The following ARID3A variants were observed in gnomAD, a reference collection of about 807,000 sequenced individuals.
The protein encoded by ARID3A is AT-rich interactive domain-containing protein 3A.
A neutral mutation model predicts 52.7 loss-of-function variants in ARID3A; 11 were observed. The observed-to-expected ratio is 0.21, with a 90% CI of 0.13 to 0.35. The LOEUF is 0.35. Among genes scored for constraint, ARID3A ranks in the 10% least tolerant of loss-of-function variants. The probability of loss-of-function intolerance (pLI) is 1.00; values close to 1 mark genes in which losing one functional copy is unlikely to be tolerated. For missense variants in ARID3A, 721 were observed against 838.5 expected, an observed-to-expected ratio of 0.86 and a Z score of 1.73; for synonymous variants, 404 against 359.4, an observed-to-expected ratio of 1.12 and a Z score of -1.40.
intron 3 of ARID3A, among the ~76,000 whole-genome samples, chr19:958,300 G>T (rs1011679546): frequency 6.6e-6 from 1 of 150,886 alleles, no homozygotes; most frequent in African/African-American, 2.4e-5. Flanking sequence ...GGTGGCGGGC[G>T]CCTGTAGTCC....
At chr19:970,599 T>C (rs1038370787) in intron 8 of ARID3A, among the ~76,000 whole-genome samples, 1 of 143,076 alleles carries the variant, frequency 7.0e-6, no homozygotes, top group East Asian at 2.1e-4. Context: ...CTCCGCCTCC[T>C]GAGTAGCTGG....
intron 7 of ARID3A, among the ~76,000 whole-genome samples, chr19:968,044 C>CA (rs34215155): frequency 0.68 from 83,705 of 122,864 alleles, 28,415 homozygotes; most frequent in Non-Finnish European, 0.76. Flanking sequence ...GACTCCGTCT[C>CA]AAAAAAAAAA....
rs1023581147 is a variant in ARID3A at position 959,374 on chromosome 19, A to G, written c.694-718A>G. Reference sequence around the variant, plus strand: ...CTTCAGCCTCCACTGCCCAGGCTCAAGCAATCCTCCCACCTCAGCCTCCCG... The same window carrying G: ...CTTCAGCCTCCACTGCCCAGGCTCAGGCAATCCTCCCACCTCAGCCTCCCG... On this transcript the variant is annotated intron_variant, in intron 3 of 8. Transcript: ENST00000263620. The surrounding 1 kb of genome is among the most constrained non-coding windows in gnomAD (Gnocchi z 5.0). 6.6e-6 allele frequency among the ~76,000 whole-genome samples: 1 copy of G among 152,136 alleles called. No individual in the cohort carries two copies. Among genetic ancestry groups the G allele is most frequent in the Non-Finnish European group, 1.5e-5 (1 of 68,012 alleles).
At chr19:953,390 CCT>C (rs2037843586) in intron 3 of ARID3A, among the ~76,000 whole-genome samples, 2 of 152,250 alleles carry the variant, frequency 1.3e-5, no homozygotes, top group Admixed American at 1.3e-4. Flanking sequence ...GCCCCGCCAC[CCT>C]CTCTCCTCAC....
At chr19:949,440 G>A (rs907217263) in intron 3 of ARID3A, among the ~76,000 whole-genome samples, 5 of 152,164 alleles carry the variant, frequency 3.3e-5, no homozygotes, top group African/African-American at 1.2e-4. Flanking sequence ...GGAGCTGCCA[G>A]GAGTGGGGCT....
rs1298117970 is a variant in ARID3A at position 929,849 on chromosome 19, A to G, written c.321A>G (p.Glu107=). ...CGGGCTCACCCGGGCGAGGCAGAGAAGGGCCAGGAGAGGAGCACTTTGAGG... is the reference window on the plus strand; with the variant it reads ...CGGGCTCACCCGGGCGAGGCAGAGAGGGGCCAGGAGAGGAGCACTTTGAGG... ...GTPGSPGRGR[E]GPGEEHFEDM... The change falls in exon 2 of 9, where the codon GAA becomes GAG. Residue 107 remains glutamate (E), a synonymous_variant. Coordinates refer to ENST00000263620, the MANE Select transcript of ARID3A (RefSeq NM_005224.3). This position sits in a 1 kb window ranked among gnomAD's most constrained non-coding sequence, Gnocchi z 6.2. 5 of 1,544,758 alleles carry G rather than the reference A, an allele frequency of 3.2e-6. No homozygotes were observed. The highest frequency in any genetic ancestry group is 4.4e-6 in the Non-Finnish European group (5 of 1,147,066).
rs895912630 is a variant in ARID3A at position 941,090 on chromosome 19, C to T, written c.693+8348C>T. ...GGCCTGGCCCCACGCCCACCGCCGGCGTCCCACCCTGGTGGCTGCTGCCAA... is the reference window on the plus strand; with the variant it reads ...GGCCTGGCCCCACGCCCACCGCCGGTGTCCCACCCTGGTGGCTGCTGCCAA... On this transcript the variant is annotated intron_variant, in intron 3 of 8. Transcript: ENST00000263620. This position sits in a 1 kb window ranked among gnomAD's most constrained non-coding sequence, Gnocchi z 6.9. 2.0e-5 allele frequency among the ~76,000 whole-genome samples: 3 copies of T among 152,144 alleles called. No individual in the cohort carries two copies. The East Asian group carries it at 5.8e-4, about 29-fold the overall frequency.
rs1437725247 is a variant in ARID3A at position 932,589 on chromosome 19, C to G, written c.540C>G (p.Pro180=). The change falls in exon 3 of 9, where the codon CCC becomes CCG. Residue 180 remains proline (P), a synonymous_variant. Transcript: ENST00000263620. ...TALFPRKAQP[P]QAFRGDGVPR... ...TGTTCCCCCGAAAGGCCCAGCCACC[C>G]CAGGCCTTCCGCGGCGATGGCGTTC... The G allele has an allele frequency of 1.1e-5, 16 of 1,514,714 alleles. No homozygotes were observed. The highest frequency in any genetic ancestry group is 1.4e-5 in the Non-Finnish European group (16 of 1,133,498). The allele number at this position is 1,514,714 out of a possible 1,614,324, so 93.8% of individuals were successfully genotyped here. A position where few individuals can be genotyped will look rare whatever the true frequency, so the allele number is the denominator to read the frequency against.
At chr19:934,360 T>C (rs927028964) in intron 3 of ARID3A, among the ~76,000 whole-genome samples, 3 of 152,032 alleles carry the variant, frequency 2.0e-5, no homozygotes, top group Non-Finnish European at 4.4e-5. Flanking sequence ...CAGGCAGGGA[T>C]GAGGGGCCAG....
Position 960,659 on chromosome 19 carries a change from C to T in ARID3A, c.766+495C>T, listed in dbSNP as rs554263313. Among the ~76,000 whole-genome samples the T allele has an allele frequency of 3.9e-5, 6 of 152,188 alleles. No homozygotes were observed. The East Asian group carries it at 1.2e-3, about 29-fold the overall frequency. Reference sequence around the variant, plus strand: ...ATGCGACATTTGAGTCCTGGCCCCTCCCCTCTTCCCACCAGGGCCTCAGTT... The same window carrying T: ...ATGCGACATTTGAGTCCTGGCCCCTTCCCTCTTCCCACCAGGGCCTCAGTT... On this transcript the variant is annotated intron_variant, in intron 4 of 8. Coordinates refer to ENST00000263620, the MANE Select transcript of ARID3A (RefSeq NM_005224.3). The surrounding 1 kb of genome is among the most constrained non-coding windows in gnomAD (Gnocchi z 4.3).
At chr19:967,269 AAAT>A (rs1056258539) in intron 7 of ARID3A, among the ~76,000 whole-genome samples, 23 of 151,972 alleles carry the variant, frequency 1.5e-4, no homozygotes, top group African/African-American at 5.3e-4. Flanking sequence ...AAAAAATAAA[AAAT>A]AATAAAGTAA....
Position 944,242 on chromosome 19 carries a change from G to A in ARID3A, c.693+11500G>A, listed in dbSNP as rs533395751. ...GCACTGGAGTCCTGACGTCGGCAGC[G>A]CGGTGGAGGGCGGGCCTGTCTCGCC... On this transcript the variant is annotated intron_variant, in intron 3 of 8. Coordinates refer to ENST00000263620, the MANE Select transcript of ARID3A (RefSeq NM_005224.3). The surrounding 1 kb of genome is among the most constrained non-coding windows in gnomAD (Gnocchi z 5.9). Among the ~76,000 whole-genome samples the A allele has an allele frequency of 3.3e-5, 5 of 152,070 alleles. No individual in the cohort carries two copies. The highest frequency in any genetic ancestry group is 3.4e-3 in the Middle Eastern group (1 of 294).
chr19:975,207 T>C lies in ARID3A; in HGVS notation c.*3142T>C, dbSNP rs2038355797. 4.3e-6 allele frequency: 1 copy of C among 231,166 alleles called. No individual in the cohort carries two copies. Among genetic ancestry groups the C allele is most frequent in the Admixed American group, 5.6e-5 (1 of 17,700 alleles). 14.3% of individuals were successfully genotyped at this position (231,166 alleles called of 1,614,324 possible). ...GACCCTGGATGGGTTCTAGTTCACT[T>C]GGGACCGTGGGGCCTGGCTGCGTAC... On this transcript the variant is annotated 3_prime_UTR_variant, in exon 9 of 9. Coordinates refer to ENST00000263620, the MANE Select transcript of ARID3A (RefSeq NM_005224.3).
chr19:953,929 C>T (rs763076401), intron 3 of ARID3A, among the ~76,000 whole-genome samples: 4 of 152,104 alleles, frequency 2.6e-5, no homozygotes, highest in Non-Finnish European at 5.9e-5. Context: ...AAAAATTAGC[C>T]GAGCGTGGTG....
At chr19:934,120 G>T (rs1254499409) in intron 3 of ARID3A, among the ~76,000 whole-genome samples, 1 of 152,174 alleles carries the variant, frequency 6.6e-6, no homozygotes, top group Non-Finnish European at 1.5e-5. Context: ...CCGGGACTCA[G>T]CCCGCAGGGA....
At position 973,181 on chromosome 19, in the gene ARID3A, T is replaced by G. The variant is rs2038318638; in HGVS notation, c.*1116T>G. 1 of 160,216 alleles carries G rather than the reference T, an allele frequency of 6.2e-6. No homozygotes were observed. Among genetic ancestry groups the G allele is most frequent in the South Asian group, 2.2e-4 (1 of 4,570 alleles). 9.9% of individuals were successfully genotyped at this position (160,216 alleles called of 1,614,324 possible). A position where few individuals can be genotyped will look rare whatever the true frequency, so the allele number is the denominator to read the frequency against. The stretch of plus-strand genomic sequence containing the variant: ...TGGAGTGAGTGCAATGGTGCGATCT[T>G]GGCTCACTGCAACCTGCACCTCCCA... On this transcript the variant is annotated 3_prime_UTR_variant, in exon 9 of 9. Coordinates refer to ENST00000263620, the MANE Select transcript of ARID3A (RefSeq NM_005224.3).
At position 929,440 on chromosome 19, in the gene ARID3A, C is replaced by A; in HGVS notation, c.-89C>A. ...CCCACGCTGCAGTGCGGCCGGGCCC[C>A]CTCCCCGCAGGGGCCGCCCCCGCCG... On this transcript the variant is annotated 5_prime_UTR_variant, in exon 2 of 9. Transcript: ENST00000263620. This position sits in a 1 kb window ranked among gnomAD's most constrained non-coding sequence, Gnocchi z 6.2. The A allele has an allele frequency of 7.9e-7, 1 of 1,268,236 alleles. No individual in the cohort carries two copies. The highest frequency in any genetic ancestry group is 1.0e-6 in the Non-Finnish European group (1 of 999,518). 78.6% of individuals were successfully genotyped at this position (1,268,236 alleles called of 1,614,324 possible).
chr19:958,729 T>C (rs957490447), intron 3 of ARID3A, among the ~76,000 whole-genome samples: 34 of 151,290 alleles, frequency 2.2e-4, no homozygotes, highest in Middle Eastern at 3.4e-3. Flanking sequence ...CCGTCTCTAC[T>C]AAAAATACAA....
intron 3 of ARID3A, among the ~76,000 whole-genome samples, 171 bp downstream of exon 3, chr19:932,913 C>T (rs1444162255): frequency 6.6e-6 from 1 of 152,174 alleles, no homozygotes; most frequent in African/African-American, 2.4e-5. Flanking sequence ...TGGGCTCGAC[C>T]AGCTGGCTGT....
Sources: gnomAD v4.1 joint callset for allele counts (sites outside exome capture counted in the v4.1 genomes callset) on GRCh38, gnomAD v4.1.1 for gene constraint, Gnocchi (gnomAD v3.1) non-coding constraint, MANE v1.5 for transcripts, NCBI Gene and HGNC (gene_info 2026-07-23, HGNC 2026-07-21) for gene names.